The following HIVEP3 variants were observed in gnomAD, a reference collection of about 807,000 sequenced individuals.
HIVEP3 encodes HIVEP zinc finger 3, also known as transcription factor HIVEP3.
A neutral mutation model predicts 152.8 loss-of-function variants in HIVEP3; 49 were observed. That is an observed-to-expected ratio of 0.32 (90% CI 0.26 to 0.41). HIVEP3 has a LOEUF of 0.41. Among genes scored for constraint, HIVEP3 ranks in the 10% least tolerant of loss-of-function variants. The pLI is 1.00. For missense variants in HIVEP3, 2,790 were observed against 3,103.3 expected, an observed-to-expected ratio of 0.90 and a Z score of 2.40; for synonymous variants, 1,269 against 1,289.0, an observed-to-expected ratio of 0.98 and a Z score of 0.33.
At chr1:41,564,216 G>T (rs6600378) in intron 5 of HIVEP3, among the ~76,000 whole-genome samples, 30,549 of 151,852 alleles carry the variant, frequency 0.2, 3,340 homozygotes, top group Non-Finnish European at 0.27. Flanking sequence ...ACAACAACAA[G>T]AAAAAACTCA....
intron 1 of HIVEP3, among the ~76,000 whole-genome samples, chr1:41,969,445 A>G (rs1387718484): frequency 2.0e-5 from 3 of 152,218 alleles, no homozygotes; most frequent in Admixed American, 6.5e-5. Flanking sequence ...CCTGACAAAA[A>G]CAAGCAATGG....
chr1:41,965,220 C>T (rs1645191134), intron 1 of HIVEP3, among the ~76,000 whole-genome samples: 1 of 152,134 alleles, frequency 6.6e-6, no homozygotes, highest in African/African-American at 2.4e-5. Context: ...ACAACATCAA[C>T]AAAAAAGATC....
At chr1:41,777,226 G>C (rs570331855) in intron 1 of HIVEP3, among the ~76,000 whole-genome samples, 8 of 152,340 alleles carry the variant, frequency 5.3e-5, no homozygotes, top group Non-Finnish European at 8.8e-5. Flanking sequence ...AGCCCAGAGG[G>C]AAAGGAAAGG....
chr1:41,695,690 C>T (rs1437734308), intron 2 of HIVEP3, among the ~76,000 whole-genome samples: 3 of 152,212 alleles, frequency 2.0e-5, no homozygotes, highest in Non-Finnish European at 2.9e-5. Flanking sequence ...GGGCTTCATC[C>T]TGTGGGCAGA....
intron 1 of HIVEP3, among the ~76,000 whole-genome samples, chr1:42,013,423 C>G (rs906858209): frequency 3.3e-5 from 5 of 152,178 alleles, no homozygotes; most frequent in African/African-American, 9.7e-5. Flanking sequence ...GATGTTCAAG[C>G]CCAAACTCTT....
intron 1 of HIVEP3, among the ~76,000 whole-genome samples, chr1:41,763,757 G>T (rs532230556): frequency 3.1e-4 from 47 of 152,312 alleles, no homozygotes; most frequent in African/African-American, 1.1e-3. Context: ...TGTGTTAGTG[G>T]AGGTAAAATA....
intron 2 of HIVEP3, among the ~76,000 whole-genome samples, chr1:41,630,893 G>A (rs1645184923): frequency 6.6e-6 from 1 of 152,130 alleles, no homozygotes; most frequent in East Asian, 1.9e-4. Context: ...AGGCATGGGT[G>A]GCAATGAAAT....
At chr1:41,532,958 C>T (rs542162052) in intron 5 of HIVEP3, among the ~76,000 whole-genome samples, 1 of 152,156 alleles carries the variant, frequency 6.6e-6, no homozygotes, top group Admixed American at 6.5e-5. Context: ...ACCCTGCCCT[C>T]AAAAAGAGAA....
chr1:41,978,445 G>T (rs1312846904), intron 1 of HIVEP3, among the ~76,000 whole-genome samples: 2 of 152,328 alleles, frequency 1.3e-5, no homozygotes, highest in Admixed American at 1.3e-4. Flanking sequence ...ACACCAGGGT[G>T]CAGGTGCACA....
chr1:41,960,633 CCT>C (rs1425039461), intron 1 of HIVEP3, among the ~76,000 whole-genome samples: 9 of 152,176 alleles, frequency 5.9e-5, no homozygotes, highest in Admixed American at 5.9e-4. Context: ...CTGCTTTCTC[CCT>C]CTGTTGGAGG....
rs777233947 is a variant in HIVEP3, at chr1:41,579,811, T to C, written c.4987A>G (p.Thr1663Ala). ...SKQKVSKETY[T>A]MATAPHPEAG... The stretch of plus-strand genomic sequence containing the variant: ...TCAGGATGCGGAGCTGTGGCCATGG[T>C]GTATGTCTCTTTGCTCACTTTCTGC... The change falls in exon 4 of 9, where the codon ACC becomes GCC. Residue 1663 changes from threonine (T) to alanine (A), a missense_variant. Thr to Ala is a moderately conservative substitution (Grantham distance 58, BLOSUM62 0). Coordinates refer to ENST00000372583, the MANE Select transcript of HIVEP3 (RefSeq NM_024503.5). 262 of 1,613,352 alleles carry C rather than the reference T, an allele frequency of 1.6e-4. No homozygotes were observed. Among genetic ancestry groups the C allele is most frequent in the Non-Finnish European group, 2.1e-4 (250 of 1,179,596 alleles).
chr1:41,581,964 C>A lies in HIVEP3; in HGVS notation c.2834G>T (p.Arg945Leu), dbSNP rs138468465. 3.1e-6 allele frequency: 5 copies of A among 1,614,008 alleles called. No individual in the cohort carries two copies. The highest frequency in any genetic ancestry group is 4.2e-6 in the Non-Finnish European group (5 of 1,180,018). Reference sequence around the variant, plus strand: ...GTCATCCCTCTCAAACGAGGCTGAGCGGCTGGACCCACTCAAAGAGACATT... The same window carrying A: ...GTCATCCCTCTCAAACGAGGCTGAGAGGCTGGACCCACTCAAAGAGACATT... ...ESNVSLSGSSRSASFERDDHG... is the reference protein window; with the variant it reads ...ESNVSLSGSSLSASFERDDHG... Residue 945 changes from arginine to leucine, a missense_variant, in exon 4 of 9, where the codon CGC (arginine) becomes CTC (leucine). Coordinates refer to ENST00000372583, the MANE Select transcript of HIVEP3 (RefSeq NM_024503.5). The surrounding 1 kb of genome is among the most constrained non-coding windows in gnomAD (Gnocchi z 4.5).
intron 1 of HIVEP3, among the ~76,000 whole-genome samples, chr1:41,884,831 C>T (rs1035500808): frequency 6.9e-6 from 1 of 144,836 alleles, no homozygotes; most frequent in Non-Finnish European, 1.5e-5. Flanking sequence ...CAGAGGGCAG[C>T]AGCCAGAGAA....
chr1:41,938,319 A>C (rs1367104873), intron 1 of HIVEP3, among the ~76,000 whole-genome samples: 1 of 152,208 alleles, frequency 6.6e-6, no homozygotes, highest in Non-Finnish European at 1.5e-5. Context: ...ACCGTGCATC[A>C]ATGCAGAAGC....
chr1:41,513,425 G>T lies in HIVEP3; in HGVS notation c.5796C>A (p.Ser1932=). The T allele has an allele frequency of 6.2e-7, 1 of 1,612,344 alleles. No individual in the cohort carries two copies. Among genetic ancestry groups the T allele is most frequent in the Non-Finnish European group, 8.5e-7 (1 of 1,179,628 alleles). ...ERLTASSCSM[S]SQSMPGLPWL... Reference sequence around the variant, plus strand: ...AGGGGAGGCCCGGCATGCTCTGGCTGGACATGGAGCAGCTGCTGGCTGTCA... The same window carrying T: ...AGGGGAGGCCCGGCATGCTCTGGCTTGACATGGAGCAGCTGCTGGCTGTCA... The change falls in exon 8 of 9, where the codon TCC becomes TCA. Residue 1932 remains serine, a synonymous_variant. Transcript: ENST00000372583.
chr1:41,563,598 G>T (rs1644116321), intron 5 of HIVEP3, among the ~76,000 whole-genome samples: 1 of 152,042 alleles, frequency 6.6e-6, no homozygotes, highest in Non-Finnish European at 1.5e-5. Flanking sequence ...CAGCTATGGG[G>T]AACTCGCCGT....
Position 41,653,953 on chromosome 1 carries a change from CAAAAAAAAAA to C in HIVEP3, c.-720-25016_-720-25007del, listed in dbSNP as rs55707109. Among the ~76,000 whole-genome samples, 28 of 46,216 alleles carry C rather than the reference CAAAAAAAAAA, an allele frequency of 6.1e-4. No homozygotes were observed. The East Asian group carries it at 0.024, about 39-fold the overall frequency. The allele number at this position is 46,216 out of a possible 152,430, so 30.3% of individuals were successfully genotyped here. On this transcript the variant is annotated intron_variant, in intron 2 of 8. Transcript: ENST00000372583. ...CCCTGGGCCTAAATATTTTCTACTG[CAAAAAAAAAA>C]AAAAAAAAAAAAAAAAAAACCAGAT...
At chr1:42,018,817 C>T (rs944717778) in intron 1 of HIVEP3, among the ~76,000 whole-genome samples, 15 of 152,056 alleles carry the variant, frequency 9.9e-5, no homozygotes, top group African/African-American at 3.4e-4. Flanking sequence ...TATTTACCTT[C>T]CCATCATTTC....
rs2759258 is a variant in HIVEP3, at chr1:41,509,478, G to C, written c.*973C>G. 0.99 allele frequency: 150,440 copies of C among 152,366 alleles called. 74,300 individuals are homozygous for C. Among genetic ancestry groups the C allele is most frequent in the Middle Eastern group, 1 (294 of 294 alleles). 9.4% of individuals were successfully genotyped at this position (152,366 alleles called of 1,614,324 possible). On this transcript the variant is annotated 3_prime_UTR_variant, in exon 9 of 9. Coordinates refer to ENST00000372583, the MANE Select transcript of HIVEP3 (RefSeq NM_024503.5). ...CCAAAACCCAGTCTCAGGAACGGCC[G>C]CTAGGGCTCGGGCCCTGCCACTTCT...
Sources: allele counts gnomAD v4.1 joint callset (sites outside exome capture counted in the v4.1 genomes callset), GRCh38; gene constraint gnomAD v4.1.1; non-coding constraint Gnocchi (gnomAD v3.1); transcripts MANE v1.5; gene names NCBI Gene and HGNC (gene_info 2026-07-23, HGNC 2026-07-21).